Variants in ASPH observed in about 807,000 individuals in gnomAD.
ASPH encodes the protein aspartate beta-hydroxylase.
In ASPH, 100 loss-of-function variants were observed where a neutral mutation model predicts 118.4. The ratio of observed to expected loss-of-function variants is 0.84; its 90% CI spans 0.72 to 1.00. ASPH has a LOEUF of 1.00. Among genes scored for constraint, ASPH ranks in the 50% least tolerant of loss-of-function variants. The pLI is 0.00. For missense variants in ASPH, 920 were observed against 919.5 expected (o/e 1.00, Z -0.01); for synonymous variants, 315 against 325.6 (o/e 0.97, Z 0.35).
intron 1 of ASPH, among the ~76,000 whole-genome samples, chr8:61,697,377 G>GCAATCAATTCTGCAGC (rs1834168336): frequency 6.6e-6 from 1 of 152,296 alleles, no homozygotes; most frequent in Non-Finnish European, 1.5e-5. Flanking sequence ...CAGCAAGTAA[G>GCAATCAATTCTGCAGC]CAATCAATTC....
chr8:61,532,321 T>C (rs1272722379), intron 21 of ASPH, among the ~76,000 whole-genome samples: 1 of 152,176 alleles, frequency 6.6e-6, no homozygotes, highest in African/African-American at 2.4e-5. Context: ...TGTTGGCCAT[T>C]TGCAGGTCTT....
chr8:61,603,893 A>C (rs1232409731), intron 14 of ASPH, among the ~76,000 whole-genome samples: 1 of 152,216 alleles, frequency 6.6e-6, no homozygotes, highest in East Asian at 1.9e-4. Flanking sequence ...ATTAGAACTG[A>C]CTCTTGAGGC....
intron 3 of ASPH, chr8:61,659,465 C>A (rs560556765): frequency 6.6e-6 from 1 of 152,176 alleles, no homozygotes; most frequent in Non-Finnish European, 1.5e-5. Flanking sequence ...TGTATGCATA[C>A]CTGACTTAAC....
chr8:61,713,460 A>C (rs534253367), intron 1 of ASPH, among the ~76,000 whole-genome samples: 5 of 152,356 alleles, frequency 3.3e-5, no homozygotes, highest in African/African-American at 1.2e-4. Flanking sequence ...CTTCAAGTGA[A>C]GTTTACAGCT....
intron 15 of ASPH, chr8:61,578,819 G>A (rs1836301664): frequency 1.4e-5 from 23 of 1,610,656 alleles, no homozygotes; most frequent in Non-Finnish European, 1.9e-5. Flanking sequence ...AGAAGGATGT[G>A]GATGAAGCTT....
At chr8:61,519,349 G>T (rs1464436055) in intron 22 of ASPH, among the ~76,000 whole-genome samples, 1 of 151,792 alleles carries the variant, frequency 6.6e-6, no homozygotes, top group African/African-American at 2.4e-5. Context: ...AGGTTCATCT[G>T]CAAATTTTTT....
chr8:61,618,871 T>C (rs1007016733), intron 14 of ASPH, 107 bp downstream of exon 14: 9 of 967,246 alleles, frequency 9.3e-6, no homozygotes, highest in Non-Finnish European at 1.4e-5. Context: ...CAGGAGCAAA[T>C]TCTTTTAATT....
At chr8:61,708,639 T>C (rs551302441) in intron 1 of ASPH, among the ~76,000 whole-genome samples, 4 of 152,326 alleles carry the variant, frequency 2.6e-5, no homozygotes, top group Admixed American at 6.5e-5. Context: ...GTCAAACCTA[T>C]GTAAAATATG....
chr8:61,666,904 T>C (rs1216426743), intron 3 of ASPH, among the ~76,000 whole-genome samples: 4 of 152,216 alleles, frequency 2.6e-5, no homozygotes, highest in Non-Finnish European at 5.9e-5. Context: ...GAAAACTGCT[T>C]TTAAAAAATT....
chr8:61,714,495 A>T lies in ASPH; in HGVS notation c.-124T>A, dbSNP rs1838911013. 1.5e-6 allele frequency: 2 copies of T among 1,317,092 alleles called. No homozygotes were observed. The highest frequency in any genetic ancestry group is 3.1e-5 in the African/African-American group (2 of 64,172). The allele number at this position is 1,317,092 out of a possible 1,614,324, so 81.6% of individuals were successfully genotyped here. ...AGCGGGTTCGGGCCGCTGCTCCTGC[A>T]GCAGACCCTGTGCCTCAGCACCGCC... is the stretch of plus-strand genomic sequence containing the variant. On this transcript the variant is annotated 5_prime_UTR_variant, in exon 1 of 25. Transcript: ENST00000379454.
intron 21 of ASPH, among the ~76,000 whole-genome samples, chr8:61,528,744 C>T (rs999578376): frequency 6.6e-6 from 1 of 152,172 alleles, no homozygotes; most frequent in Non-Finnish European, 1.5e-5. Context: ...CACCCACAGC[C>T]TCCCCTGGGA....
At chr8:61,625,480 G>A (rs762254727) in intron 13 of ASPH, 133 of 985,170 alleles carry the variant, frequency 1.4e-4, no homozygotes, top group Non-Finnish European at 1.6e-4. Flanking sequence ...AAATGCTGAA[G>A]AGACTATAGC....
chr8:61,582,388 A>T (rs1199696510), intron 15 of ASPH, among the ~76,000 whole-genome samples: 1 of 152,218 alleles, frequency 6.6e-6, no homozygotes, highest in Non-Finnish European at 1.5e-5. Flanking sequence ...TATGACATTT[A>T]GTATAGAGAA....
At chr8:61,599,843 T>TAACA (rs1168814285) in intron 14 of ASPH, among the ~76,000 whole-genome samples, 1 of 152,134 alleles carries the variant, frequency 6.6e-6, no homozygotes, top group African/African-American at 2.4e-5. Context: ...TTTAAAGAAC[T>TAACA]AACACCAATT....
At chr8:61,670,418 G>A (rs1356683695) in intron 3 of ASPH, among the ~76,000 whole-genome samples, 1 of 151,636 alleles carries the variant, frequency 6.6e-6, no homozygotes, top group Non-Finnish European at 1.5e-5. Flanking sequence ...AGGTTCTTCA[G>A]AATACAGTTT....
At chr8:61,543,049 A>T (rs1822529043) in intron 21 of ASPH, among the ~76,000 whole-genome samples, 1 of 152,222 alleles carries the variant, frequency 6.6e-6, no homozygotes, top group Non-Finnish European at 1.5e-5. Flanking sequence ...TTGAAAAAAT[A>T]AAATGAAAGT....
intron 13 of ASPH, among the ~76,000 whole-genome samples, chr8:61,621,333 AAAGAAAAG>A (rs1312423686): frequency 4.8e-5 from 2 of 41,916 alleles, no homozygotes; most frequent in African/African-American, 1.6e-4. Flanking sequence ...AAAAAAAAAA[AAAGAAAAG>A]AAAAGAAAAG....
chr8:61,694,623 C>T (rs908987343), intron 1 of ASPH, among the ~76,000 whole-genome samples: 2 of 152,218 alleles, frequency 1.3e-5, no homozygotes, highest in Non-Finnish European at 2.9e-5. Flanking sequence ...ACTCCTAACA[C>T]CTCTTTAAAC....
At chr8:61,553,246 T>C (rs1387299408) in intron 19 of ASPH, 126 bp from the exon 20 acceptor site, 6 of 678,072 alleles carry the variant, frequency 8.8e-6, no homozygotes, top group African/African-American at 1.8e-5. Context: ...TATCTCCATA[T>C]TAAACTTTGG....
Sources: allele counts gnomAD v4.1 joint callset (sites outside exome capture counted in the v4.1 genomes callset), GRCh38; gene constraint gnomAD v4.1.1; transcripts MANE v1.5; gene names NCBI Gene and HGNC (gene_info 2026-07-23, HGNC 2026-07-21).